The following SUPT16H variants were observed in gnomAD, a reference collection of about 807,000 sequenced individuals.
SUPT16H encodes FACT complex subunit SPT16.
A neutral mutation model predicts 136.2 loss-of-function variants in SUPT16H; 24 were observed. That is an observed-to-expected ratio of 0.18 (90% CI 0.13 to 0.25). SUPT16H has a LOEUF of 0.25. Among genes scored for constraint, SUPT16H ranks in the 10% least tolerant of loss-of-function variants. SUPT16H has a pLI of 1.00. For missense variants in SUPT16H, 623 were observed against 1,270.2 expected (o/e 0.49, Z 7.74); for synonymous variants, 415 against 428.2 (o/e 0.97, Z 0.38).
At chr14:21,358,636 C>T (rs949111183) in intron 19 of SUPT16H, among the ~76,000 whole-genome samples, 2 of 152,124 alleles carry the variant, frequency 1.3e-5, no homozygotes. Flanking sequence ...TTTCGTTGCC[C>T]TTCATTCTCT....
chr14:21,355,033 T>C, intron 22 of SUPT16H: 1 of 152,858 alleles, frequency 6.5e-6, no homozygotes, highest in Non-Finnish European at 1.5e-5. Context: ...GAGCTCATCC[T>C]CTCCCATTTT....
intron 18 of SUPT16H, 54 bp from the exon 19 acceptor site, chr14:21,359,663 G>GA (rs1321884579): frequency 8.2e-6 from 13 of 1,586,768 alleles, no homozygotes; most frequent in Admixed American, 5.3e-5. Flanking sequence ...AGGTATCTGT[G>GA]ATGGAAATGG....
chr14:21,371,863 T>C lies in SUPT16H; in HGVS notation c.330+11A>G, dbSNP rs1381513856. The C allele has an allele frequency of 1.9e-6, 3 of 1,613,106 alleles. No homozygotes were observed. The East Asian group carries it at 6.7e-5, about 36-fold the overall frequency. ...TTCCACATTTATGACACATTCTTTATTAATCCTGACCTTTTCTCGTATTAG... is the reference window on the plus strand; with the variant it reads ...TTCCACATTTATGACACATTCTTTACTAATCCTGACCTTTTCTCGTATTAG... On this transcript the variant is annotated intron_variant, in intron 3 of 25. Coordinates refer to ENST00000216297, the MANE Select transcript of SUPT16H (RefSeq NM_007192.4).
In SUPT16H at chr14:21,368,432, ATTC is replaced by A; in HGVS notation, c.789_791del (p.Lys263del). On this transcript the variant is annotated inframe_deletion, in exon 7 of 26. Transcript: ENST00000216297. ...AAGTGATAGCCCCAAAGTGCATATG[ATTC>A]TTGTCACTAGAGACCAACAAAGAAA... 1 of 1,606,148 alleles carries A rather than the reference ATTC, an allele frequency of 6.2e-7. No individual in the cohort carries two copies. The highest frequency in any genetic ancestry group is 8.5e-7 in the Non-Finnish European group (1 of 1,177,126).
At position 21,366,331 on chromosome 14, in the gene SUPT16H, G is replaced by A. The variant is rs546905402; in HGVS notation, c.1046+108C>T. 56 of 1,002,190 alleles carry A rather than the reference G, an allele frequency of 5.6e-5. No homozygotes were observed. The African/African-American group carries it at 7.6e-4, about 14-fold the overall frequency. The allele number at this position is 1,002,190 out of a possible 1,614,324, so 62.1% of individuals were successfully genotyped here. A position where few individuals can be genotyped will look rare whatever the true frequency, so the allele number is the denominator to read the frequency against. ...GCCTGGCACATAGTATAGTTTGCTA[G>A]TCCATAAATGTTGGCTGAATCAATC... On this transcript the variant is annotated intron_variant, in intron 8 of 25. Transcript: ENST00000216297.
intron 5 of SUPT16H, 79 bp from the exon 6 acceptor site, chr14:21,369,434 C>G (rs568072477): frequency 1.8e-5 from 28 of 1,547,236 alleles, no homozygotes; most frequent in Non-Finnish European, 2.5e-5. Context: ...GATTTGAAGA[C>G]AAAATGTATC....
At chr14:21,383,372 C>T (rs992673739) in intron 1 of SUPT16H, 2 of 476,932 alleles carry the variant, frequency 4.2e-6, no homozygotes, top group African/African-American at 2.0e-5. Context: ...CTTTTTTTAA[C>T]TCCAGCAAAA....
intron 1 of SUPT16H, among the ~76,000 whole-genome samples, chr14:21,373,718 T>C (rs899037759): frequency 3.3e-5 from 5 of 152,190 alleles, no homozygotes; most frequent in African/African-American, 1.2e-4. Context: ...AAATATTTTA[T>C]TTTTTAAAAT....
At chr14:21,355,730 G>GA (rs1239308553) in intron 22 of SUPT16H, among the ~76,000 whole-genome samples, 1 of 151,964 alleles carries the variant, frequency 6.6e-6, no homozygotes, top group Non-Finnish European at 1.5e-5. Flanking sequence ...GAGGAGGGCT[G>GA]AATCAGTTAA....
At chr14:21,371,789 T>C in intron 3 of SUPT16H, 85 bp downstream of exon 3, 1 of 1,514,890 alleles carries the variant, frequency 6.6e-7, no homozygotes, top group South Asian at 1.2e-5. Context: ...CCCCTGCGCA[T>C]TCTTTCAAAC....
At chr14:21,380,296 A>ATTTTTTTTTTTTTTTTTT (rs60588939) in intron 1 of SUPT16H, among the ~76,000 whole-genome samples, 3 of 112,022 alleles carry the variant, frequency 2.7e-5, no homozygotes, top group Non-Finnish European at 1.8e-5. Flanking sequence ...GGAAGACTGA[A>ATTTTTTTTTTTTTTTTTT]TTTTTTTTTT....
In SUPT16H at chr14:21,378,903, G is replaced by A. The variant is rs76240826; in HGVS notation, c.66+4959C>T. Among the ~76,000 whole-genome samples the A allele has an allele frequency of 6.8e-3, 1,031 of 152,218 alleles. 13 individuals carry two copies. Among genetic ancestry groups the A allele is most frequent in the African/African-American group, 0.023 (971 of 41,522 alleles). On this transcript the variant is annotated intron_variant, in intron 1 of 25. Coordinates refer to ENST00000216297, the MANE Select transcript of SUPT16H (RefSeq NM_007192.4). ...GAGTTAAATAAAATATAAAACAGGT[G>A]GCAAAGAATCTGCAAAAATTGTGAA...
chr14:21,353,528 A>C lies in SUPT16H; in HGVS notation c.2958T>G (p.Ser986Arg). ...CCTCCAGTTCATCCCAATCCTTTCCACTCTCTTCTTCACTACCCAATGACT... is the reference window on the plus strand; with the variant it reads ...CCTCCAGTTCATCCCAATCCTTTCCCCTCTCTTCTTCACTACCCAATGACT... The part of the protein sequence containing the change: ...SKESLGSEEE[S>R]GKDWDELEEE... Residue 986 changes from serine (S) to arginine (R), a missense_variant, in exon 25 of 26, where the codon AGT becomes AGG. Ser to Arg is a moderately radical substitution (Grantham distance 110). This residue lies in a region of SUPT16H where 88 missense variants were observed against 135.5 expected (regional missense o/e 0.65). Coordinates refer to ENST00000216297, the MANE Select transcript of SUPT16H (RefSeq NM_007192.4). The C allele has an allele frequency of 6.2e-7, 1 of 1,613,936 alleles. No individual in the cohort carries two copies. The highest frequency in any genetic ancestry group is 2.2e-5 in the East Asian group (1 of 44,866).
At position 21,357,960 on chromosome 14, in the gene SUPT16H, G is replaced by C. The variant is rs773969598; in HGVS notation, c.2457C>G (p.Pro819=). The C allele has an allele frequency of 2.5e-6, 4 of 1,613,740 alleles. No homozygotes were observed. The African/African-American group carries it at 5.3e-5, about 22-fold the overall frequency. ...APYRSTCLLQ[P]TSSALVNATE... is the part of the protein sequence containing the mutation. The stretch of plus-strand genomic sequence containing the variant: ...TAGCATTTACCAGCGCACTACTAGT[G>C]GGCTGAAGGAGGCAGGTACTCCTAT... Residue 819 remains proline, a synonymous_variant, in exon 21 of 26, where the codon CCC becomes CCG. Transcript: ENST00000216297.
At chr14:21,364,182 A>G (rs1886616351) in intron 10 of SUPT16H, among the ~76,000 whole-genome samples, 1 of 151,790 alleles carries the variant, frequency 6.6e-6, no homozygotes, top group African/African-American at 2.4e-5. Context: ...TGCTTAGCTT[A>G]TGATAAAAAC....
At chr14:21,354,780 C>A in intron 22 of SUPT16H, 1 of 325,042 alleles carries the variant, frequency 3.1e-6, no homozygotes, top group South Asian at 3.1e-5. Context: ...TTAGTAGAGA[C>A]AGGGTTTTGC....
intron 18 of SUPT16H, among the ~76,000 whole-genome samples, chr14:21,360,049 T>C (rs1006275845): frequency 1.3e-5 from 2 of 152,162 alleles, no homozygotes; most frequent in Non-Finnish European, 2.9e-5. Context: ...TTTTGTTTTT[T>C]GTTTTTCACA....
chr14:21,382,677 CACTG>C (rs10532772), intron 1 of SUPT16H, among the ~76,000 whole-genome samples: 123,803 of 151,604 alleles, frequency 0.82, 51,642 homozygotes, highest in Middle Eastern at 0.92. Flanking sequence ...AATAATATGA[CACTG>C]AGAGAAGCTG....
chr14:21,354,302 C>G, intron 23 of SUPT16H, 109 bp downstream of exon 23: 2 of 1,324,844 alleles, frequency 1.5e-6, no homozygotes, highest in South Asian at 3.7e-5. Flanking sequence ...GTGTTTAGAG[C>G]TTCTCCCAGA....
Sources: gnomAD v4.1 joint callset for allele counts (sites outside exome capture counted in the v4.1 genomes callset) on GRCh38, gnomAD v4.1.1 for gene constraint, gnomAD v4.1.1 regional missense constraint, MANE v1.5 for transcripts, NCBI Gene and HGNC (gene_info 2026-07-23, HGNC 2026-07-21) for gene names.